WDR20: variants seen among roughly 807,000 people sequenced by gnomAD.
The protein encoded by WDR20 is WD repeat-containing protein 20.
A neutral mutation model predicts 38.7 loss-of-function variants in WDR20; 3 were observed. The observed-to-expected ratio is 0.08, with a 90% CI of 0.04 to 0.20. WDR20 has a LOEUF of 0.20. Among genes scored for constraint, WDR20 ranks in the 10% least tolerant of loss-of-function variants. The pLI is 1.00. For missense variants in WDR20, 559 were observed against 727.7 expected (o/e 0.77, Z 2.67); for synonymous variants, 298 against 285.6 (o/e 1.04, Z -0.44).
chr14:102,151,910 G>A (rs542495265), intron 1 of WDR20, among the ~76,000 whole-genome samples: 1 of 150,666 alleles, frequency 6.6e-6, no homozygotes, highest in Admixed American at 6.6e-5. Context: ...CACCCACCTG[G>A]CTAATTTTTA....
At chr14:102,181,659 G>A (rs148294833) in intron 1 of WDR20, among the ~76,000 whole-genome samples, 3 of 151,910 alleles carry the variant, frequency 2.0e-5, no homozygotes, top group Non-Finnish European at 2.9e-5. Flanking sequence ...TACTTCTTTG[G>A]GAATAGCTTT....
downstream of WDR20, chr14:102,212,670 C>A: frequency 6.6e-7 from 1 of 1,515,768 alleles, no homozygotes; most frequent in South Asian, 1.2e-5. Flanking sequence ...TAATGGCTCC[C>A]GCAGACCTGG....
In WDR20 at chr14:102,208,595, CT is replaced by C; in HGVS notation, c.433-6del. The C allele has an allele frequency of 6.3e-7, 1 of 1,591,962 alleles. No homozygotes were observed. The highest frequency in any genetic ancestry group is 8.6e-7 in the Non-Finnish European group (1 of 1,164,932). On this transcript the variant is annotated splice_region_variant and splice_polypyrimidine_tract_variant and intron_variant, in intron 2 of 2. Coordinates refer to ENST00000342702, the MANE Select transcript of WDR20 (RefSeq NM_144574.4). The surrounding 1 kb of genome is among the most constrained non-coding windows in gnomAD (Gnocchi z 5.6). ...GTTGTGCTAACTTGTTCTCCTTTGTCTTCACAGAGACTAATAGACAAGTCAC... is the reference window on the plus strand; with the variant it reads ...GTTGTGCTAACTTGTTCTCCTTTGTCTCACAGAGACTAATAGACAAGTCAC...
intron 1 of WDR20, among the ~76,000 whole-genome samples, chr14:102,154,712 A>G (rs753695232): frequency 3.9e-5 from 6 of 152,172 alleles, no homozygotes; most frequent in Admixed American, 6.5e-5. Flanking sequence ...TGTTGCAGGC[A>G]CTGAAATATT....
chr14:102,143,701 C>A (rs1246276754), intron 1 of WDR20, among the ~76,000 whole-genome samples: 1 of 151,890 alleles, frequency 6.6e-6, no homozygotes, highest in African/African-American at 2.4e-5. Flanking sequence ...CGTACCACCA[C>A]GCCCAGCTAA....
At chr14:102,160,947 C>CAAAA (rs57488628) in intron 1 of WDR20, among the ~76,000 whole-genome samples, 3 of 54,612 alleles carry the variant, frequency 5.5e-5, no homozygotes, top group African/African-American at 2.1e-4. Context: ...GACTCTGTCT[C>CAAAA]AAAAAAAAAA....
At chr14:102,144,511 T>C (rs570936860) in intron 1 of WDR20, among the ~76,000 whole-genome samples, 54 of 151,004 alleles carry the variant, frequency 3.6e-4, no homozygotes, top group African/African-American at 1.3e-3. Context: ...TGTTTTAGGA[T>C]GTAGGATAAA....
At chr14:102,139,650 A>T (rs1314195209), upstream of WDR20, 6 of 644,752 alleles carry the variant, frequency 9.3e-6, no homozygotes, top group East Asian at 1.7e-4. Context: ...AGCCGGCATC[A>T]CCTGGGAAGC....
At chr14:102,213,758 G>GAGGGAGACGTT, downstream of WDR20, 1 of 985,384 alleles carries the variant, frequency 1.0e-6, no homozygotes, top group Non-Finnish European at 1.2e-6. Flanking sequence ...TGCATACAAG[G>GAGGGAGACGTT]TCCTCATCAC....
chr14:102,206,048 T>A (rs1336110846), intron 2 of WDR20, among the ~76,000 whole-genome samples: 2 of 152,164 alleles, frequency 1.3e-5, no homozygotes, highest in Non-Finnish European at 2.9e-5. Flanking sequence ...AATGACGTGA[T>A]CTTGGCTCAC....
intron 1 of WDR20, among the ~76,000 whole-genome samples, chr14:102,188,608 C>G (rs2065474892): frequency 6.6e-6 from 1 of 152,016 alleles, no homozygotes; most frequent in African/African-American, 2.4e-5. Context: ...TGACTTACAT[C>G]TGTAATCCCA....
At chr14:102,193,779 G>A (rs2058946503) in intron 1 of WDR20, among the ~76,000 whole-genome samples, 1 of 152,162 alleles carries the variant, frequency 6.6e-6, no homozygotes, top group Non-Finnish European at 1.5e-5. Context: ...GGTCAGTAGA[G>A]AACTAGAGCC....
chr14:102,197,917 A>C, intron 2 of WDR20: 1 of 663,146 alleles, frequency 1.5e-6, no homozygotes, highest in South Asian at 1.6e-5. Context: ...ACTACCTACC[A>C]CATGCCCAGC....
At chr14:102,190,320 G>A (rs922156393) in intron 1 of WDR20, among the ~76,000 whole-genome samples, 3 of 152,194 alleles carry the variant, frequency 2.0e-5, no homozygotes, top group African/African-American at 7.2e-5. Context: ...AGCACTTTGG[G>A]AGGCCAAGGC....
chr14:102,161,278 G>A (rs1045060348), intron 1 of WDR20, among the ~76,000 whole-genome samples: 4 of 143,678 alleles, frequency 2.8e-5, no homozygotes, highest in Non-Finnish European at 6.0e-5. Flanking sequence ...AGCCTCCCAA[G>A]TAGCTGGAAT....
chr14:102,145,340 A>G (rs897107825), intron 1 of WDR20, among the ~76,000 whole-genome samples: 3 of 152,246 alleles, frequency 2.0e-5, no homozygotes, highest in Admixed American at 6.5e-5. Context: ...AAAAAATTTA[A>G]CCTTCTTAAA....
upstream of WDR20, chr14:102,139,819 G>T: frequency 6.6e-7 from 1 of 1,513,468 alleles, no homozygotes. Context: ...TGGGAGGGGC[G>T]AGAAGGAAGA....
chr14:102,194,643 T>C (rs535810783), intron 1 of WDR20, among the ~76,000 whole-genome samples: 18 of 152,322 alleles, frequency 1.2e-4, no homozygotes, highest in African/African-American at 4.3e-4. Flanking sequence ...ATTTAATATC[T>C]CAAGGATATT....
At chr14:102,187,851 G>A (rs1018297939) in intron 1 of WDR20, among the ~76,000 whole-genome samples, 1 of 152,224 alleles carries the variant, frequency 6.6e-6, no homozygotes, top group Non-Finnish European at 1.5e-5. Flanking sequence ...GCTGGTTGGG[G>A]TGGGGCTTAA....
Sources: allele counts gnomAD v4.1 joint callset (sites outside exome capture counted in the v4.1 genomes callset), GRCh38; gene constraint gnomAD v4.1.1; non-coding constraint Gnocchi (gnomAD v3.1); transcripts MANE v1.5; gene names NCBI Gene and HGNC (gene_info 2026-07-23, HGNC 2026-07-21).